Variants in EVL observed in about 807,000 individuals in gnomAD.
EVL encodes ena/VASP-like protein.
In EVL, 21 loss-of-function variants were observed where a neutral mutation model predicts 59.6. The ratio of observed to expected loss-of-function variants is 0.35; its 90% CI spans 0.25 to 0.51. EVL has a LOEUF of 0.51. EVL is among the 20% of genes least tolerant of loss of function. The pLI is 0.97. For synonymous variants in EVL, 198 were observed against 203.5 expected (o/e 0.97, Z 0.23); for missense variants, 462 against 546.6 (o/e 0.85, Z 1.54).
At chr14:100,135,727 C>T (rs1243231571) in intron 8 of EVL, 178 bp from the exon 9 acceptor site, 3 of 595,166 alleles carry the variant, frequency 5.0e-6, no homozygotes, top group East Asian at 5.9e-5. Flanking sequence ...TGGCTCGATT[C>T]TCTCCCCACT....
intron 1 of EVL, among the ~76,000 whole-genome samples, chr14:100,026,002 G>T (rs2061204375): frequency 1.3e-5 from 2 of 152,088 alleles, no homozygotes; most frequent in African/African-American, 4.8e-5. Flanking sequence ...TGTAATCCTA[G>T]CATTTTGGGA....
At chr14:99,981,988 CAG>C (rs1437900247) in intron 1 of EVL, among the ~76,000 whole-genome samples, 1 of 152,140 alleles carries the variant, frequency 6.6e-6, no homozygotes. Context: ...GGTGGTAACT[CAG>C]GGGAAAGCAC....
chr14:100,058,270 A>G (rs973774144), intron 1 of EVL, among the ~76,000 whole-genome samples: 1 of 152,234 alleles, frequency 6.6e-6, no homozygotes, highest in Non-Finnish European at 1.5e-5. Context: ...TCAAGTCAAC[A>G]CAGTTGTTGT....
At chr14:100,034,575 CA>C (rs11318291) in intron 1 of EVL, among the ~76,000 whole-genome samples, 92,210 of 147,942 alleles carry the variant, frequency 0.62, 31,665 homozygotes, top group Non-Finnish European at 0.76. Context: ...CTGTCTCTAC[CA>C]AAAAAAAAAA....
intron 1 of EVL, among the ~76,000 whole-genome samples, chr14:100,079,528 G>A (rs1425059608): frequency 6.6e-6 from 1 of 152,206 alleles, no homozygotes. Flanking sequence ...GGCAGAGGGA[G>A]AAGCAAGCAT....
chr14:100,016,430 G>A (rs995651323), intron 1 of EVL, among the ~76,000 whole-genome samples: 2 of 152,152 alleles, frequency 1.3e-5, no homozygotes, highest in African/African-American at 4.8e-5. Context: ...TCGGGAGGCT[G>A]AAGCACGAGA....
At chr14:100,006,009 TCCC>T (rs58699616) in intron 1 of EVL, among the ~76,000 whole-genome samples, 3,228 of 114,784 alleles carry the variant, frequency 0.028, 71 homozygotes, top group Admixed American at 0.071. Flanking sequence ...GCTGGCCATT[TCCC>T]CCCCCCCCCC....
chr14:100,004,545 A>T (rs1042392932), intron 1 of EVL, among the ~76,000 whole-genome samples: 1 of 152,092 alleles, frequency 6.6e-6, no homozygotes, highest in African/African-American at 2.4e-5. Flanking sequence ...TAATTTGATC[A>T]TATAAAAGTT....
intron 8 of EVL, among the ~76,000 whole-genome samples, chr14:100,134,169 A>G (rs1888624771): frequency 6.6e-6 from 1 of 152,206 alleles, no homozygotes; most frequent in African/African-American, 2.4e-5. Context: ...GAGTTTAGCC[A>G]ACTGACTTGC....
At chr14:100,113,659 G>A (rs1887146254) in intron 3 of EVL, among the ~76,000 whole-genome samples, 2 of 152,250 alleles carry the variant, frequency 1.3e-5, no homozygotes, top group African/African-American at 4.8e-5. Flanking sequence ...GTGGAGGGGG[G>A]ATTCCTTTGA....
rs143547367 is a variant in EVL, at chr14:100,069,834, A to G, written c.11+4323A>G. ...AAATAACAACAGCTCAGCTTTTCTC[A>G]GTGTTATACACCAACCATTACGCTA... On this transcript the variant is annotated intron_variant, in intron 1 of 13. Coordinates refer to ENST00000392920, the MANE Select transcript of EVL (RefSeq NM_016337.3). Among the ~76,000 whole-genome samples the G allele has an allele frequency of 3.3e-3, 502 of 152,312 alleles. 6 individuals carry two copies. The highest frequency in any genetic ancestry group is 0.012 in the African/African-American group (484 of 41,558).
intron 1 of EVL, among the ~76,000 whole-genome samples, chr14:100,075,525 C>A (rs79896646): frequency 6.6e-6 from 1 of 152,346 alleles, no homozygotes; most frequent in African/African-American, 2.4e-5. Flanking sequence ...TAGCCCCCGA[C>A]CCTTCACTAC....
intron 3 of EVL, among the ~76,000 whole-genome samples, chr14:100,098,543 G>A (rs1013315851): frequency 1.3e-5 from 2 of 152,162 alleles, no homozygotes; most frequent in Non-Finnish European, 2.9e-5. Flanking sequence ...TGGGAGAGGG[G>A]CTAGCAAAAA....
At chr14:100,118,644 C>G (rs972854455) in intron 3 of EVL, among the ~76,000 whole-genome samples, 4 of 152,188 alleles carry the variant, frequency 2.6e-5, no homozygotes, top group African/African-American at 9.7e-5. Flanking sequence ...GGCCCCACTC[C>G]CCATCAGTCA....
intron 1 of EVL, among the ~76,000 whole-genome samples, chr14:100,048,445 G>A (rs1235057522): frequency 6.6e-6 from 1 of 152,174 alleles, no homozygotes; most frequent in Non-Finnish European, 1.5e-5. Context: ...GATATCATAT[G>A]CACTTACTAG....
At chr14:100,067,240 T>C (rs1307768126) in intron 1 of EVL, among the ~76,000 whole-genome samples, 1 of 152,176 alleles carries the variant, frequency 6.6e-6, no homozygotes, top group Non-Finnish European at 1.5e-5. Context: ...AACTTTTCGT[T>C]TTTCCTCATG....
chr14:100,120,513 A>G (rs1887629274), intron 3 of EVL, among the ~76,000 whole-genome samples: 1 of 152,230 alleles, frequency 6.6e-6, no homozygotes. Context: ...AAGGAGCATG[A>G]GGACCTGGGG....
intron 9 of EVL, 70 bp from the exon 10 acceptor site, chr14:100,137,508 T>G: frequency 6.6e-7 from 1 of 1,512,536 alleles, no homozygotes; most frequent in Non-Finnish European, 9.2e-7. Context: ...TGTTGGGGTG[T>G]TTAGGGGATT....
intron 1 of EVL, among the ~76,000 whole-genome samples, chr14:100,038,771 G>GGTGTGTGC (rs2061424917): frequency 7.1e-6 from 1 of 140,916 alleles, no homozygotes; most frequent in Admixed American, 7.2e-5. Context: ...TGTGCCCTGG[G>GGTGTGTGC]GTGTGTGTGT....
Sources: gnomAD v4.1 joint callset for allele counts (sites outside exome capture counted in the v4.1 genomes callset) on GRCh38, gnomAD v4.1.1 for gene constraint, MANE v1.5 for transcripts, NCBI Gene and HGNC (gene_info 2026-07-23, HGNC 2026-07-21) for gene names.